Variants in TRIM52 observed in about 807,000 individuals in gnomAD.
The protein encoded by TRIM52 is E3 ubiquitin-protein ligase TRIM52.
Under a neutral mutation model 27.0 loss-of-function variants are expected in TRIM52, and 24 were observed. The observed-to-expected ratio is 0.89, with a 90% CI of 0.64 to 1.25. The LOEUF (loss-of-function observed/expected upper bound fraction) is 1.25, where lower values mean the gene tolerates loss of function less well. Among genes scored for constraint, TRIM52 ranks in the 50% most tolerant of loss-of-function variants. The pLI, the probability that TRIM52 is intolerant of heterozygous loss-of-function variation, is 0.00. For missense variants in TRIM52, 351 were observed against 354.7 expected, an observed-to-expected ratio of 0.99 and a Z score of 0.08; for synonymous variants, 125 against 126.5, an observed-to-expected ratio of 0.99 and a Z score of 0.08.
Position 181,260,359 on chromosome 5 carries a change from TC to T in TRIM52, c.454del (p.Glu152LysfsTer56). 1 of 1,613,994 alleles carries T rather than the reference TC, an allele frequency of 6.2e-7. No homozygotes were observed. The highest frequency in any genetic ancestry group is 8.5e-7 in the Non-Finnish European group (1 of 1,179,986). ...DLRIDVYREEEILEAYDEDED... is the reference protein window; with the variant it reads ...DLRIDVYREEXILEAYDEDED... Reference sequence around the variant, plus strand: ...GTCCTCATCGTATGCTTCCAGTATTTCTTCTTCTCGGTAGACATCAATTCTC... The same window carrying T: ...GTCCTCATCGTATGCTTCCAGTATTTTTCTTCTCGGTAGACATCAATTCTC... On this transcript the variant is annotated frameshift_variant, in exon 1 of 2. Transcript: ENST00000688015. LOFTEE classifies it high-confidence loss of function. This position sits in a 1 kb window ranked among gnomAD's most constrained non-coding sequence, Gnocchi z 4.4.
downstream of TRIM52, among the ~76,000 whole-genome samples, chr5:181,252,495 T>G (rs111866535): frequency 3.9e-5 from 6 of 152,374 alleles, no homozygotes; most frequent in African/African-American, 9.6e-5. Flanking sequence ...GAAGTTCTAT[T>G]AGCTTGAATG....
chr5:181,260,389 T>A lies in TRIM52; in HGVS notation c.425A>T (p.Asp142Val), dbSNP rs751929788. 1 of 1,613,784 alleles carries A rather than the reference T, an allele frequency of 6.2e-7. No homozygotes were observed. The change falls in exon 1 of 2, where the codon GAC becomes GTC. Residue 142 changes from aspartate (D) to valine (V), a missense_variant. Transcript: ENST00000688015. The surrounding 1 kb of genome is among the most constrained non-coding windows in gnomAD (Gnocchi z 4.4). The part of the protein sequence containing the change: ...QDYYLGGLRP[D>V]LRIDVYREEE... ...TTCTCGGTAGACATCAATTCTCAGG[T>A]CAGGTCTCAAGCCTCCTAGGTAATA...
chr5:181,253,427 G>A (rs1759681919), downstream of TRIM52, among the ~76,000 whole-genome samples: 1 of 142,576 alleles, frequency 7.0e-6, no homozygotes, highest in Non-Finnish European at 1.5e-5. Flanking sequence ...GCCAGGCACC[G>A]GCTATAGTGC....
chr5:181,250,920 T>C (rs1759621478), downstream of TRIM52, among the ~76,000 whole-genome samples: 2 of 152,234 alleles, frequency 1.3e-5, no homozygotes, highest in East Asian at 1.9e-4. Context: ...TCCCTCCTTA[T>C]CTTTGTAGGA....
rs1321658822 is a variant in TRIM52 at position 181,260,171 on chromosome 5, G to C, written c.643C>G (p.Pro215Ala). The change falls in exon 1 of 2, where the codon CCT becomes GCT. Residue 215 changes from proline (P) to alanine (A), a missense_variant. Pro to Ala is a conservative substitution (Grantham distance 27, BLOSUM62 -1). Coordinates refer to ENST00000688015, the MANE Select transcript of TRIM52 (RefSeq NM_001346048.2). The surrounding 1 kb of genome is among the most constrained non-coding windows in gnomAD (Gnocchi z 4.4). ...TCATTACTCCGGTTTCCCCGATAAG[G>C]AGTGGGGCACATCTGGCGAATTATC... is the stretch of plus-strand genomic sequence containing the variant. ...VQIIRQMCPT[P>A]YRGNRSNDQG... 8.7e-6 allele frequency: 14 copies of C among 1,614,126 alleles called. No homozygotes were observed. Among genetic ancestry groups the C allele is most frequent in the African/African-American group, 1.3e-5 (1 of 74,944 alleles).
chr5:181,252,536 T>C (rs1759657030), downstream of TRIM52, among the ~76,000 whole-genome samples: 1 of 152,216 alleles, frequency 6.6e-6, no homozygotes, highest in Non-Finnish European at 1.5e-5. Context: ...CTTCCTTTCT[T>C]ATAACCCCAT....
intron 1 of TRIM52, chr5:181,258,866 C>T (rs1044461762): frequency 6.6e-6 from 1 of 152,138 alleles, no homozygotes. Context: ...TTTTAAGACA[C>T]ACTAATTGGT....
chr5:181,260,116 G>A lies in TRIM52; in HGVS notation c.698C>T (p.Ala233Val), dbSNP rs750246911. The change falls in exon 1 of 2, where the codon GCC becomes GTC. Residue 233 changes from alanine to valine, a missense_variant. By Grantham distance (64) the Ala-to-Val change is moderately conservative. Transcript: ENST00000688015. The surrounding 1 kb of genome is among the most constrained non-coding windows in gnomAD (Gnocchi z 4.4). Reference protein sequence around the residue: ...DQGMCFKHQEALKLFCEVDKE... With the variant: ...DQGMCFKHQEVLKLFCEVDKE... ...GTCCACCTCACAGAAGAGTTTCAGG[G>A]CTTCCTGGTGTTTAAAGCACATGCC... 2 of 1,614,186 alleles carry A rather than the reference G, an allele frequency of 1.2e-6. No individual in the cohort carries two copies. The highest frequency in any genetic ancestry group is 1.1e-5 in the South Asian group (1 of 91,086).
At chr5:181,259,807 C>T in intron 1 of TRIM52, 194 bp downstream of exon 1, 1 of 1,304,548 alleles carries the variant, frequency 7.7e-7, no homozygotes, top group Non-Finnish European at 1.0e-6. Flanking sequence ...GCCAATCTGC[C>T]CCAATCTTCA....
At chr5:181,258,399 AG>A (rs1759878160) in intron 1 of TRIM52, 2 of 152,286 alleles carry the variant, frequency 1.3e-5, no homozygotes, top group Non-Finnish European at 2.9e-5. Flanking sequence ...CAAAAAAAAA[AG>A]TTAGAAGAGA....
chr5:181,256,157 G>C lies in TRIM52; in HGVS notation c.*652C>G, dbSNP rs886989634. ...TTGCCAAAAACCCAAATTTAACACA[G>C]TTTGCTGTAGTGCCATTAAGATATA... On this transcript the variant is annotated 3_prime_UTR_variant, in exon 2 of 2. Transcript: ENST00000688015. 2.6e-5 allele frequency: 4 copies of C among 152,144 alleles called. No individual in the cohort carries two copies. Among genetic ancestry groups the C allele is most frequent in the East Asian group, 1.9e-4 (1 of 5,196 alleles). The allele number at this position is 152,144 out of a possible 1,614,324, so 9.4% of individuals were successfully genotyped here.
downstream of TRIM52, among the ~76,000 whole-genome samples, chr5:181,252,427 G>T (rs1333098278): frequency 6.6e-6 from 1 of 152,234 alleles, no homozygotes; most frequent in Non-Finnish European, 1.5e-5. Flanking sequence ...CAAGTCATAT[G>T]TAGCTAGTAG....
chr5:181,251,963 ATATT>A, downstream of TRIM52, among the ~76,000 whole-genome samples: 2 of 152,290 alleles, frequency 1.3e-5, no homozygotes, highest in Middle Eastern at 6.8e-3. Context: ...GTAAAACCCT[ATATT>A]TATTATCCCT....
Position 181,255,249 on chromosome 5 carries a change from A to C in TRIM52, c.*1560T>G, listed in dbSNP as rs1759727406. On this transcript the variant is annotated 3_prime_UTR_variant, in exon 2 of 2. Coordinates refer to ENST00000688015, the MANE Select transcript of TRIM52 (RefSeq NM_001346048.2). Reference sequence around the variant, plus strand: ...TGGTGTGAAAGGTGCAAGAAAACACAAGCTGCTTTTAATAACACTCTTGCA... The same window carrying C: ...TGGTGTGAAAGGTGCAAGAAAACACCAGCTGCTTTTAATAACACTCTTGCA... 6.6e-6 allele frequency: 1 copy of C among 152,232 alleles called. No individual in the cohort carries two copies. Among genetic ancestry groups the C allele is most frequent in the African/African-American group, 2.4e-5 (1 of 41,452 alleles). The allele number at this position is 152,232 out of a possible 1,614,324, so 9.4% of individuals were successfully genotyped here.
At position 181,260,286 on chromosome 5, in the gene TRIM52, G is replaced by C; in HGVS notation, c.528C>G (p.Pro176=). The change falls in exon 1 of 2, where the codon CCC becomes CCG. Residue 176 remains proline (P), a synonymous_variant. Transcript: ENST00000688015. This position sits in a 1 kb window ranked among gnomAD's most constrained non-coding sequence, Gnocchi z 4.4. ...GGGGGCAGGTGAACTGCCCTGGAAG[G>C]GGCAAGGAAGGAGGCGGGTGGATGT... is the stretch of plus-strand genomic sequence containing the variant. ...YPDIHPPPSL[P]LPGQFTCPQC... is the part of the protein sequence containing the mutation. 1 of 1,614,174 alleles carries C rather than the reference G, an allele frequency of 6.2e-7. No individual in the cohort carries two copies. The highest frequency in any genetic ancestry group is 1.3e-5 in the African/African-American group (1 of 75,046).
intron 1 of TRIM52, chr5:181,257,146 C>G (rs1180519752): frequency 3.0e-5 from 33 of 1,116,078 alleles, no homozygotes; most frequent in Non-Finnish European, 3.5e-5. Context: ...TGCCCTTGGT[C>G]AAATCTAAAT....
chr5:181,259,923 G>A (rs1378113760), intron 1 of TRIM52, 78 bp downstream of exon 1: 3 of 1,604,286 alleles, frequency 1.9e-6, no homozygotes, highest in African/African-American at 2.7e-5. Flanking sequence ...AGGTGGGAAA[G>A]GAATGCTACT....
At chr5:181,259,741 A>C (rs922702025) in intron 1 of TRIM52, 2 of 622,346 alleles carry the variant, frequency 3.2e-6, no homozygotes, top group Non-Finnish European at 5.4e-6. Flanking sequence ...CAGTATTAGC[A>C]GTAGTGGTCC....
chr5:181,260,492 CA>C lies in TRIM52; in HGVS notation c.321del (p.Asp108ThrfsTer4). 1 of 1,614,006 alleles carries C rather than the reference CA, an allele frequency of 6.2e-7. No individual in the cohort carries two copies. The highest frequency in any genetic ancestry group is 8.5e-7 in the Non-Finnish European group (1 of 1,180,010). ...QDQDDDELWL[G>X]DSGITNWDNV... ...TTGTCCCAATTAGTTATACCACTGT[CA>C]CCGAGCCAGAGTTCATCGTCATCTT... On this transcript the variant is annotated frameshift_variant, in exon 1 of 2. Coordinates refer to ENST00000688015, the MANE Select transcript of TRIM52 (RefSeq NM_001346048.2). LOFTEE classifies it high-confidence loss of function. The surrounding 1 kb of genome is among the most constrained non-coding windows in gnomAD (Gnocchi z 4.4).
Sources: gnomAD v4.1 joint callset for allele counts (sites outside exome capture counted in the v4.1 genomes callset) on GRCh38, gnomAD v4.1.1 for gene constraint, Gnocchi (gnomAD v3.1) non-coding constraint, MANE v1.5 for transcripts, NCBI Gene and HGNC (gene_info 2026-07-23, HGNC 2026-07-21) for gene names.